The following EFR3A variants were observed in gnomAD, a reference collection of about 807,000 sequenced individuals.
The protein encoded by EFR3A is protein EFR3 homolog A.
EFR3A carries 76 observed loss-of-function variants against 104.4 expected under a neutral mutation model. The observed-to-expected ratio is 0.73, with a 90% CI of 0.60 to 0.88. The LOEUF is 0.88. EFR3A is among the 40% of genes least tolerant of loss of function. The pLI is 0.00. For missense variants in EFR3A, 985 were observed against 1,012.5 expected, an observed-to-expected ratio of 0.97 and a Z score of 0.37; for synonymous variants, 330 against 330.0, an observed-to-expected ratio of 1.00 and a Z score of 0.00.
At chr8:132,001,719 C>G in intron 19 of EFR3A, 40 bp from the exon 20 acceptor site, 1 of 1,558,360 alleles carries the variant, frequency 6.4e-7, no homozygotes, top group South Asian at 1.1e-5. Flanking sequence ...TTTATATTGA[C>G]CCTTTTTAAC....
intron 1 of EFR3A, among the ~76,000 whole-genome samples, chr8:131,924,883 A>G (rs1817226299): frequency 6.6e-6 from 1 of 152,104 alleles, no homozygotes; most frequent in South Asian, 2.1e-4. Context: ...TATTGTTTAT[A>G]GGTGGGTCCT....
At chr8:131,954,284 A>G (rs963282281) in intron 6 of EFR3A, among the ~76,000 whole-genome samples, 7 of 152,120 alleles carry the variant, frequency 4.6e-5, no homozygotes, top group African/African-American at 1.7e-4. Context: ...CAAATGTGAG[A>G]AACAGAAATT....
chr8:131,927,629 A>G (rs1214071535), intron 1 of EFR3A, among the ~76,000 whole-genome samples: 1 of 152,218 alleles, frequency 6.6e-6, no homozygotes, highest in African/African-American at 2.4e-5. Flanking sequence ...ATATACTCAT[A>G]TACAAAATGA....
intron 1 of EFR3A, chr8:131,940,156 G>A: frequency 4.1e-6 from 1 of 246,126 alleles, no homozygotes; most frequent in South Asian, 5.7e-5. Context: ...GGCTTGAGTA[G>A]AGTGGATTGC....
intron 10 of EFR3A, among the ~76,000 whole-genome samples, chr8:131,971,225 C>A (rs1216359512): frequency 6.6e-6 from 1 of 151,978 alleles, no homozygotes; most frequent in African/African-American, 2.4e-5. Flanking sequence ...TGACTTTTTT[C>A]CTTGAATCCA....
Position 131,953,830 on chromosome 8 carries a change from T to C in EFR3A, c.501T>C (p.Ala167=), listed in dbSNP as rs1391251271. The change falls in exon 6 of 23, where the codon GCT becomes GCC. Residue 167 remains alanine (A), a synonymous_variant. Coordinates refer to ENST00000254624, the MANE Select transcript of EFR3A (RefSeq NM_015137.6). ...DPEIRTEIRI[A]GIRGIQGVVR... ...TTTTTTTTTATAGGATACGAATTGC[T>C]GGAATTAGAGGTATTCAAGGTGTGG... The C allele has an allele frequency of 5.9e-6, 9 of 1,527,354 alleles. No homozygotes were observed. Among genetic ancestry groups the C allele is most frequent in the Non-Finnish European group, 6.2e-6 (7 of 1,137,838 alleles). 94.6% of individuals were successfully genotyped at this position (1,527,354 alleles called of 1,614,324 possible). A position where few individuals can be genotyped will look rare whatever the true frequency, so the allele number is the denominator to read the frequency against.
intron 8 of EFR3A, among the ~76,000 whole-genome samples, chr8:131,967,495 T>G (rs1272933145): frequency 2.0e-5 from 3 of 151,596 alleles, no homozygotes; most frequent in Non-Finnish European, 4.4e-5. Flanking sequence ...TTTTACAGCT[T>G]GGTGGATGAT....
rs552187320 is a variant in EFR3A at position 132,006,551 on chromosome 8, C to CTTTTAAAAAAAGCATTAA, written c.2360+3266_2360+3267insTTTTAAAAAAAGCATTAA. On this transcript the variant is annotated intron_variant, in intron 22 of 22. Coordinates refer to ENST00000254624, the MANE Select transcript of EFR3A (RefSeq NM_015137.6). ...AAATAGATTTGCAGTTTAAAAGCAT[C>CTTTTAAAAAAAGCATTAA]CTACAAGAAAATGCATTTAACTTCA... is the stretch of plus-strand genomic sequence containing the variant. Among the ~76,000 whole-genome samples the CTTTTAAAAAAAGCATTAA allele has an allele frequency of 7.9e-5, 12 of 152,062 alleles. No individual in the cohort carries two copies. In the East Asian group the frequency reaches 2.1e-3, roughly 27 times the overall value.
chr8:131,937,436 T>C lies in EFR3A; in HGVS notation c.11-3063T>C, dbSNP rs564698607. 3.4e-4 allele frequency among the ~76,000 whole-genome samples: 52 copies of C among 152,260 alleles called. 1 individual carries two copies. The East Asian group carries it at 9.1e-3, about 27-fold the overall frequency. On this transcript the variant is annotated intron_variant, in intron 1 of 22. Transcript: ENST00000254624. ...TACTATAATATTCAGCCTGGCACTTTTTTGGTTATAATTTATCCACTGTGT... is the reference window on the plus strand; with the variant it reads ...TACTATAATATTCAGCCTGGCACTTCTTTGGTTATAATTTATCCACTGTGT...
chr8:131,996,044 A>G (rs1438001444), intron 18 of EFR3A, among the ~76,000 whole-genome samples: 1 of 152,158 alleles, frequency 6.6e-6, no homozygotes. Flanking sequence ...GTCAGTTTTC[A>G]TTTAGGCTAA....
chr8:131,940,791 G>C, intron 2 of EFR3A: 1 of 683,910 alleles, frequency 1.5e-6, no homozygotes, highest in Non-Finnish European at 2.2e-6. Flanking sequence ...CACAAATCTA[G>C]AAAAATGGAC....
intron 7 of EFR3A, 108 bp from the exon 8 acceptor site, chr8:131,959,477 T>C: frequency 2.5e-6 from 2 of 797,776 alleles, no homozygotes; most frequent in South Asian, 3.7e-5. Flanking sequence ...AATCTTGCTT[T>C]TCTTTTAGGT....
intron 8 of EFR3A, among the ~76,000 whole-genome samples, chr8:131,961,874 T>C (rs937383628): frequency 6.6e-5 from 10 of 152,222 alleles, no homozygotes; most frequent in African/African-American, 2.4e-4. Context: ...GCAGAAACTC[T>C]ACAAGCCAGA....
chr8:131,979,393 G>T lies in EFR3A; in HGVS notation c.1547G>T (p.Cys516Phe), dbSNP rs1820487107. Residue 516 changes from cysteine to phenylalanine, a missense_variant, in exon 14 of 23, where the codon TGC becomes TTC. By Grantham distance (205) the Cys-to-Phe change is radical. Coordinates refer to ENST00000254624, the MANE Select transcript of EFR3A (RefSeq NM_015137.6). ...ADLKIKREKICRQDTSFMKKN... is the reference protein window; with the variant it reads ...ADLKIKREKIFRQDTSFMKKN... ...CTAAAGATAAAAAGAGAAAAAATTT[G>T]CAGACAAGACACAAGTTTCATGAAA... 1 of 1,567,004 alleles carries T rather than the reference G, an allele frequency of 6.4e-7. No individual in the cohort carries two copies. The highest frequency in any genetic ancestry group is 8.7e-7 in the Non-Finnish European group (1 of 1,154,500).
intron 10 of EFR3A, among the ~76,000 whole-genome samples, chr8:131,972,937 T>G (rs1218885990): frequency 2.0e-5 from 3 of 151,708 alleles, no homozygotes; most frequent in Non-Finnish European, 2.9e-5. Flanking sequence ...CACCACCTAT[T>G]TATTTATTGG....
Position 131,979,355 on chromosome 8 carries a change from G to A in EFR3A, c.1509G>A (p.Pro503=), listed in dbSNP as rs149712330. 3.0e-5 allele frequency: 47 copies of A among 1,562,182 alleles called. No individual in the cohort carries two copies. The highest frequency in any genetic ancestry group is 1.7e-4 in the Middle Eastern group (1 of 5,982). Residue 503 remains proline, a synonymous_variant, in exon 14 of 23, where the codon CCG becomes CCA. Coordinates refer to ENST00000254624, the MANE Select transcript of EFR3A (RefSeq NM_015137.6). Reference sequence around the variant, plus strand: ...TATTGATCGTCTCTAGAATAATACCGGATGTAGCTGACCTAAAGATAAAAA... The same window carrying A: ...TATTGATCGTCTCTAGAATAATACCAGATGTAGCTGACCTAAAGATAAAAA... ...RAKLRGIRII[P]DVADLKIKRE...
At chr8:131,980,639 T>TG (rs1820561101) in intron 14 of EFR3A, among the ~76,000 whole-genome samples, 2 of 152,116 alleles carry the variant, frequency 1.3e-5, no homozygotes, top group African/African-American at 4.8e-5. Context: ...TCCATTTTCT[T>TG]GCTTACCTAT....
At chr8:131,985,319 G>T (rs1296686380) in intron 16 of EFR3A, among the ~76,000 whole-genome samples, 1 of 152,086 alleles carries the variant, frequency 6.6e-6, no homozygotes, top group East Asian at 1.9e-4. Context: ...TACCTTATGT[G>T]ATTTATTCTA....
intron 19 of EFR3A, among the ~76,000 whole-genome samples, chr8:131,998,176 A>G (rs563740173): frequency 1.3e-5 from 2 of 152,066 alleles, no homozygotes; most frequent in Non-Finnish European, 2.9e-5. Flanking sequence ...ATACCAGAAG[A>G]CAGAATAATA....
Sources: gnomAD v4.1 joint callset for allele counts (sites outside exome capture counted in the v4.1 genomes callset) on GRCh38, gnomAD v4.1.1 for gene constraint, MANE v1.5 for transcripts, NCBI Gene and HGNC (gene_info 2026-07-23, HGNC 2026-07-21) for gene names.